USP37: variants seen among roughly 807,000 people sequenced by gnomAD.
The protein encoded by USP37 is ubiquitin carboxyl-terminal hydrolase 37.
In USP37, 27 loss-of-function variants were observed where a neutral mutation model predicts 124.0. The ratio of observed to expected loss-of-function variants is 0.22; its 90% CI spans 0.16 to 0.30. USP37 has a LOEUF of 0.30. Ranked by LOEUF, USP37 falls within the 10% of genes least tolerant of loss-of-function variation. The pLI, the probability that USP37 is intolerant of heterozygous loss-of-function variation, is 1.00. For missense variants in USP37, 889 were observed against 1,140.4 expected, an observed-to-expected ratio of 0.78 and a Z score of 3.17; for synonymous variants, 365 against 388.0, an observed-to-expected ratio of 0.94 and a Z score of 0.70.
chr2:218,545,835 GCTGA>G (rs2106043189), intron 8 of USP37, among the ~76,000 whole-genome samples: 1 of 152,148 alleles, frequency 6.6e-6, no homozygotes, highest in Admixed American at 6.6e-5. Flanking sequence ...TAACCTCTAG[GCTGA>G]CTTTTTACAT....
At chr2:218,536,904 A>T (rs1691677825) in intron 8 of USP37, among the ~76,000 whole-genome samples, 1 of 152,158 alleles carries the variant, frequency 6.6e-6, no homozygotes, top group Non-Finnish European at 1.5e-5. Context: ...TAAGATTTTC[A>T]CCTATGGTGA....
intron 20 of USP37, among the ~76,000 whole-genome samples, chr2:218,469,770 CTG>C (rs1304394310): frequency 1.3e-5 from 2 of 149,680 alleles, no homozygotes; most frequent in Non-Finnish European, 3.0e-5. Context: ...CTTTTAAGGA[CTG>C]TACAATGGAT....
At chr2:218,463,175 AACACACACACACAC>A (rs3835979) in intron 22 of USP37, 117 bp downstream of exon 22, 15,270 of 528,490 alleles carry the variant, frequency 0.029, 187 homozygotes, top group African/African-American at 0.041. Context: ...CCCCACAATA[AACACACACACACAC>A]ACACACACAC....
chr2:218,544,406 A>AAAAATAT (rs1312705279), intron 8 of USP37, among the ~76,000 whole-genome samples: 2 of 82,974 alleles, frequency 2.4e-5, no homozygotes, highest in African/African-American at 1.4e-4. Flanking sequence ...AAAAAAAAAA[A>AAAAATAT]ATATATATAT....
intron 9 of USP37, among the ~76,000 whole-genome samples, chr2:218,534,380 T>C (rs1402433834): frequency 6.6e-6 from 1 of 152,150 alleles, no homozygotes; most frequent in African/African-American, 2.4e-5. Flanking sequence ...TCCCAGCTAC[T>C]TGAGAGGCTG....
rs1365029558 is a variant in USP37, at chr2:218,562,702, T to C, written c.-118A>G. 5.0e-6 allele frequency: 2 copies of C among 398,476 alleles called. No homozygotes were observed. The highest frequency in any genetic ancestry group is 8.8e-6 in the Non-Finnish European group (2 of 226,076). 24.7% of individuals were successfully genotyped at this position (398,476 alleles called of 1,614,324 possible). ...CAGTGACTTTTACCGAAAAACCCTA[T>C]GTAATAGCAATTCACCTTTATTCTG... On this transcript the variant is annotated 5_prime_UTR_variant, in exon 2 of 26. Coordinates refer to ENST00000258399, the MANE Select transcript of USP37 (RefSeq NM_020935.3).
At chr2:218,483,487 T>G (rs1161017903) in intron 16 of USP37, among the ~76,000 whole-genome samples, 1 of 150,902 alleles carries the variant, frequency 6.6e-6, no homozygotes, top group East Asian at 1.9e-4. Context: ...CTTTGAATAT[T>G]AAATTGAACA....
Position 218,495,925 on chromosome 2 carries a change from C to T in USP37, c.1307G>A (p.Cys436Tyr), listed in dbSNP as rs1377416597. ...QNDAHEFLSQ[C>Y]LDQLKEDMEK... ...CATATCTTCTTTCAGCTGGTCCAAACACTGACTTAAAAATTCATGAGCATC... is the reference window on the plus strand; with the variant it reads ...CATATCTTCTTTCAGCTGGTCCAAATACTGACTTAAAAATTCATGAGCATC... The change falls in exon 14 of 26, where the codon TGT becomes TAT. Residue 436 changes from cysteine to tyrosine, a missense_variant. Physicochemically the swap from Cys to Tyr is radical, Grantham distance 194 (BLOSUM62 -2). Transcript: ENST00000258399. 6.2e-7 allele frequency: 1 copy of T among 1,610,368 alleles called. No homozygotes were observed.
chr2:218,479,611 T>C, intron 18 of USP37, 39 bp downstream of exon 18: 1 of 1,582,920 alleles, frequency 6.3e-7, no homozygotes, highest in South Asian at 1.1e-5. Context: ...AGCCAAAACC[T>C]TAAACACAGA....
intron 21 of USP37, among the ~76,000 whole-genome samples, chr2:218,464,813 T>C (rs1690221696): frequency 6.6e-6 from 1 of 152,192 alleles, no homozygotes. Context: ...TGGGGGCAAA[T>C]AGCTCATGCC....
At chr2:218,530,829 C>T (rs1477349252) in intron 9 of USP37, among the ~76,000 whole-genome samples, 1 of 152,148 alleles carries the variant, frequency 6.6e-6, no homozygotes, top group South Asian at 2.1e-4. Context: ...TTTTAGTGGT[C>T]TCGGCAGAAG....
At chr2:218,516,668 T>C (rs1690302162) in intron 10 of USP37, among the ~76,000 whole-genome samples, 2 of 152,014 alleles carry the variant, frequency 1.3e-5, no homozygotes, top group Non-Finnish European at 2.9e-5. Flanking sequence ...GTAACAAACC[T>C]TGCACATTCT....
At chr2:218,533,738 T>A (rs1691465887) in intron 9 of USP37, among the ~76,000 whole-genome samples, 1 of 152,206 alleles carries the variant, frequency 6.6e-6, no homozygotes, top group African/African-American at 2.4e-5. Context: ...AACTGGATTC[T>A]CTTAAACTAT....
chr2:218,540,469 C>T (rs1691913496), intron 8 of USP37, among the ~76,000 whole-genome samples: 2 of 151,888 alleles, frequency 1.3e-5, no homozygotes, highest in African/African-American at 2.4e-5. Context: ...AGACTGCATC[C>T]CTATAAAAAT....
Position 218,484,909 on chromosome 2 carries a change from C to T in USP37, c.1670+755G>A, listed in dbSNP as rs535457233. 5.9e-5 allele frequency among the ~76,000 whole-genome samples: 9 copies of T among 152,276 alleles called. No homozygotes were observed. The South Asian group carries it at 1.9e-3, about 32-fold the overall frequency. On this transcript the variant is annotated intron_variant, in intron 16 of 25. Transcript: ENST00000258399. The stretch of plus-strand genomic sequence containing the variant: ...ACCACATAATAATTTTTTGTAACTA[C>T]TTCAGTTTTATGTTTATACAGAGCA...
At chr2:218,496,621 T>A (rs1047935561) in intron 13 of USP37, among the ~76,000 whole-genome samples, 18 of 7,138 alleles carry the variant, frequency 2.5e-3, no homozygotes, top group African/African-American at 6.8e-3. Flanking sequence ...TCACATTTAA[T>A]CTTACTACAG....
intron 14 of USP37, among the ~76,000 whole-genome samples, chr2:218,494,003 AG>A (rs1244101386): frequency 6.6e-6 from 1 of 152,246 alleles, no homozygotes; most frequent in African/African-American, 2.4e-5. Context: ...TAGAAGGAAG[AG>A]ATAAATGGCT....
intron 22 of USP37, 81 bp downstream of exon 22, chr2:218,463,224 AC>A: frequency 1.7e-6 from 1 of 603,986 alleles, no homozygotes; most frequent in Non-Finnish European, 2.8e-6. Context: ...ACACACACAC[AC>A]ACACACTTTC....
chr2:218,558,402 A>G, intron 4 of USP37, 96 bp downstream of exon 4: 1 of 1,080,754 alleles, frequency 9.3e-7, no homozygotes, highest in Non-Finnish European at 1.3e-6. Context: ...ATATTAATCT[A>G]GGAGGAGGGC....
Sources: allele counts gnomAD v4.1 joint callset (sites outside exome capture counted in the v4.1 genomes callset), GRCh38; gene constraint gnomAD v4.1.1; transcripts MANE v1.5; gene names NCBI Gene and HGNC (gene_info 2026-07-23, HGNC 2026-07-21).